The following RNF115 variants were observed in gnomAD, a reference collection of about 807,000 sequenced individuals.
RNF115 encodes the protein E3 ubiquitin-protein ligase RNF115.
RNF115 carries 31 observed loss-of-function variants against 39.2 expected under a neutral mutation model. The ratio of observed to expected loss-of-function variants is 0.79; its 90% CI spans 0.59 to 1.07. The LOEUF (loss-of-function observed/expected upper bound fraction) is 1.07. RNF115 is among the 50% of genes least tolerant of loss of function. The pLI, the probability that RNF115 is intolerant of heterozygous loss-of-function variation, is 0.00. For missense variants in RNF115, 384 were observed against 381.7 expected, an observed-to-expected ratio of 1.01 and a Z score of -0.05; for synonymous variants, 124 against 131.0, an observed-to-expected ratio of 0.95 and a Z score of 0.37.
intron 4 of RNF115, among the ~76,000 whole-genome samples, chr1:145,763,023 G>C (rs1432773044): frequency 1.3e-5 from 2 of 152,032 alleles, no homozygotes; most frequent in Non-Finnish European, 2.9e-5. Context: ...GGAGGGAGAA[G>C]GGCAAAGGTT....
chr1:145,795,543 G>A (rs1648938275), intron 1 of RNF115, among the ~76,000 whole-genome samples: 1 of 152,096 alleles, frequency 6.6e-6, no homozygotes, highest in South Asian at 2.1e-4. Flanking sequence ...ACAGGGCACT[G>A]ATTGGCGCAT....
chr1:145,820,553 T>C (rs1327489579), intron 1 of RNF115, among the ~76,000 whole-genome samples: 9 of 151,870 alleles, frequency 5.9e-5, no homozygotes, highest in African/African-American at 1.9e-4. Flanking sequence ...CTGGCCAACA[T>C]GGTGAAACCC....
intron 4 of RNF115, among the ~76,000 whole-genome samples, chr1:145,765,645 CCT>C (rs1305252268): frequency 8.6e-6 from 1 of 115,638 alleles, no homozygotes; most frequent in Non-Finnish European, 1.8e-5. Flanking sequence ...AACAGAATAC[CCT>C]CAGTTATAAA....
intron 4 of RNF115, among the ~76,000 whole-genome samples, chr1:145,769,799 C>T (rs1472280896): frequency 6.7e-6 from 1 of 149,164 alleles, no homozygotes; most frequent in Non-Finnish European, 1.5e-5. Context: ...AAATCAACTC[C>T]AATAATGTGT....
intron 3 of RNF115, chr1:145,772,560 G>C (rs587657488): frequency 1.3e-5 from 2 of 152,248 alleles, no homozygotes; most frequent in South Asian, 2.1e-4. Context: ...CTGCCTTCTA[G>C]CCTCCATGGT....
At chr1:145,751,769 C>A (rs1410219598) in intron 5 of RNF115, among the ~76,000 whole-genome samples, 1 of 152,172 alleles carries the variant, frequency 6.6e-6, no homozygotes, top group Non-Finnish European at 1.5e-5. Flanking sequence ...CACGCCAGAA[C>A]AAAAAGAGTG....
intron 4 of RNF115, among the ~76,000 whole-genome samples, chr1:145,755,100 G>A (rs1032576712): frequency 6.6e-6 from 1 of 152,012 alleles, no homozygotes; most frequent in Non-Finnish European, 1.5e-5. Context: ...AATTAACCAG[G>A]CATTAGTGGC....
At chr1:145,807,923 A>G (rs1165958361) in intron 1 of RNF115, among the ~76,000 whole-genome samples, 1 of 152,108 alleles carries the variant, frequency 6.6e-6, no homozygotes, top group African/African-American at 2.4e-5. Flanking sequence ...GCTCCCACAT[A>G]TGAGTGGGAA....
At chr1:145,753,640 A>G (rs1553712809) in intron 4 of RNF115, among the ~76,000 whole-genome samples, 1 of 152,206 alleles carries the variant, frequency 6.6e-6, no homozygotes, top group Non-Finnish European at 1.5e-5. Flanking sequence ...ACCCAAAGAG[A>G]TACTGGAGTG....
chr1:145,778,648 TTCC>T (rs1647986464), intron 3 of RNF115, among the ~76,000 whole-genome samples: 1 of 152,178 alleles, frequency 6.6e-6, no homozygotes, highest in Non-Finnish European at 1.5e-5. Context: ...CCCGAAATGT[TTCC>T]TCGTGTGCCT....
chr1:145,784,614 G>A lies in RNF115; in HGVS notation c.162-18C>T, dbSNP rs1326659545. 6.2e-7 allele frequency: 1 copy of A among 1,611,124 alleles called. No homozygotes were observed. Among genetic ancestry groups the A allele is most frequent in the Non-Finnish European group, 8.5e-7 (1 of 1,177,440 alleles). On this transcript the variant is annotated intron_variant, in intron 2 of 8. Coordinates refer to ENST00000582693, the MANE Select transcript of RNF115 (RefSeq NM_014455.4). ...CTAAAAAACTAAAGAGAAAAGGAAT[G>A]AGTGGTGATTCTATTCCCAGGAACA...
At chr1:145,754,942 G>A (rs188097141) in intron 4 of RNF115, among the ~76,000 whole-genome samples, 2 of 151,918 alleles carry the variant, frequency 1.3e-5, no homozygotes, top group East Asian at 3.9e-4. Flanking sequence ...TCCAAGACAA[G>A]GTAAAAAAAA....
In RNF115 at chr1:145,741,009, TG is replaced by T. The variant is rs1299067273; in HGVS notation, c.*5856del. 2.6e-5 allele frequency: 4 copies of T among 152,226 alleles called. No homozygotes were observed. The highest frequency in any genetic ancestry group is 7.2e-5 in the African/African-American group (3 of 41,440). 9.4% of individuals were successfully genotyped at this position (152,226 alleles called of 1,614,324 possible). On this transcript the variant is annotated 3_prime_UTR_variant, in exon 9 of 9. Transcript: ENST00000582693. ...CATGCCACCACACCTGGCTAATTTTTGTATTTTTAGTAGACATGGTGTTTTA... is the reference window on the plus strand; with the variant it reads ...CATGCCACCACACCTGGCTAATTTTTTATTTTTAGTAGACATGGTGTTTTA...
intron 4 of RNF115, among the ~76,000 whole-genome samples, chr1:145,764,223 T>C (rs587700338): frequency 1.1e-3 from 160 of 152,324 alleles, no homozygotes; most frequent in African/African-American, 3.4e-3. Context: ...GTGCTCAATG[T>C]TGCCCAGGCT....
intron 1 of RNF115, among the ~76,000 whole-genome samples, chr1:145,820,751 AATATACTGT>A (rs1179210889): frequency 1.0e-3 from 158 of 152,132 alleles, no homozygotes; most frequent in Admixed American, 2.7e-3. Flanking sequence ...AGAAAAAGGG[AATATACTGT>A]ATATTTGAAA....
At chr1:145,796,025 G>A (rs1553719970) in intron 1 of RNF115, among the ~76,000 whole-genome samples, 2 of 152,086 alleles carry the variant, frequency 1.3e-5, no homozygotes, top group African/African-American at 4.8e-5. Context: ...ACAAAGTCTG[G>A]TCTCAAAAAA....
intron 3 of RNF115, among the ~76,000 whole-genome samples, chr1:145,783,100 T>C (rs1553717684): frequency 6.6e-6 from 1 of 152,178 alleles, no homozygotes; most frequent in African/African-American, 2.4e-5. Context: ...AGACCTCAGG[T>C]GATCTGCTCA....
At chr1:145,757,481 G>A (rs1048863320) in intron 4 of RNF115, among the ~76,000 whole-genome samples, 3 of 152,182 alleles carry the variant, frequency 2.0e-5, no homozygotes, top group Non-Finnish European at 1.5e-5. Context: ...CTGAAAGGTG[G>A]AAAAATAGTA....
chr1:145,806,546 T>G (rs1649471257), intron 1 of RNF115, among the ~76,000 whole-genome samples: 1 of 152,160 alleles, frequency 6.6e-6, no homozygotes, highest in Non-Finnish European at 1.5e-5. Context: ...ATCCCCAATG[T>G]TGGAGGTAGG....
Sources: gnomAD v4.1 joint callset for allele counts (sites outside exome capture counted in the v4.1 genomes callset) on GRCh38, gnomAD v4.1.1 for gene constraint, MANE v1.5 for transcripts, NCBI Gene and HGNC (gene_info 2026-07-23, HGNC 2026-07-21) for gene names.